SERPINE2: variants seen among roughly 807,000 people sequenced by gnomAD.
SERPINE2 encodes the protein glia-derived nexin.
SERPINE2 carries 14 observed loss-of-function variants against 36.3 expected under a neutral mutation model. The ratio of observed to expected loss-of-function variants is 0.39; its 90% confidence interval spans 0.25 to 0.60. The LOEUF is 0.60. SERPINE2 is among the 20% of genes least tolerant of loss of function. The pLI, the probability that SERPINE2 is intolerant of heterozygous loss-of-function variation, is 0.57. For synonymous variants in SERPINE2, 192 were observed against 191.8 expected, an observed-to-expected ratio of 1.00 and a Z score of -0.01; for missense variants, 418 against 499.6, an observed-to-expected ratio of 0.84 and a Z score of 1.56.
chr2:223,977,823 T>C (rs1249648176), intron 7 of SERPINE2, 196 bp from the exon 8 acceptor site: 1 of 536,384 alleles, frequency 1.9e-6, no homozygotes, highest in African/African-American at 1.9e-5. Context: ...CCAGGCCCTT[T>C]ACATTACTCT....
At chr2:224,030,755 G>A (rs1367811464) in intron 1 of SERPINE2, 1 of 156,782 alleles carries the variant, frequency 6.4e-6, no homozygotes, top group Non-Finnish European at 1.4e-5. Context: ...CGCAAACAGA[G>A]TTCAATTAGG....
intron 1 of SERPINE2, chr2:224,031,427 G>T: frequency 2.0e-6 from 2 of 985,598 alleles, no homozygotes; most frequent in Non-Finnish European, 2.4e-6. Flanking sequence ...GGCAGCTGGG[G>T]AACGCCAGGC....
chr2:224,005,450 C>T (rs1269836937), intron 1 of SERPINE2, among the ~76,000 whole-genome samples: 1 of 152,084 alleles, frequency 6.6e-6, no homozygotes, highest in Non-Finnish European at 1.5e-5. Flanking sequence ...AGGCCAAATG[C>T]TCACTCGTCT....
chr2:223,995,387 G>A (rs1393050648), intron 3 of SERPINE2, among the ~76,000 whole-genome samples: 2 of 152,222 alleles, frequency 1.3e-5, no homozygotes, highest in Admixed American at 6.5e-5. Context: ...GGTAAAGGCA[G>A]TTTGGAATTT....
intron 5 of SERPINE2, 93 bp downstream of exon 5, chr2:223,984,659 G>T: frequency 1.7e-6 from 2 of 1,148,322 alleles, no homozygotes; most frequent in Non-Finnish European, 2.5e-6. Flanking sequence ...TTCATGATGT[G>T]CCATATTTTC....
chr2:224,014,616 AC>A (rs1450981603), intron 1 of SERPINE2, among the ~76,000 whole-genome samples: 1 of 151,928 alleles, frequency 6.6e-6, no homozygotes, highest in Non-Finnish European at 1.5e-5. Flanking sequence ...TACTGACATA[AC>A]TCTTCAGTGT....
chr2:224,016,111 A>G (rs1171327712), intron 1 of SERPINE2, among the ~76,000 whole-genome samples: 1 of 152,260 alleles, frequency 6.6e-6, no homozygotes, highest in Non-Finnish European at 1.5e-5. Flanking sequence ...AATGGCTAAT[A>G]CTAGTGACAA....
Position 224,005,053 on chromosome 2 carries a change from ATTTTATAT to A in SERPINE2, c.-22-3139_-22-3132del, listed in dbSNP as rs1691344914. ...TATAATATATAAATATATTTTATATATTTTATATATATTATATATATATATATATATAT... is the reference window on the plus strand; with the variant it reads ...TATAATATATAAATATATTTTATATAATATTATATATATATATATATATAT... On this transcript the variant is annotated intron_variant, in intron 1 of 8. Transcript: ENST00000409304. Among the ~76,000 whole-genome samples the A allele has an allele frequency of 3.1e-4, 7 of 22,618 alleles. 1 individual carries two copies. The highest frequency in any genetic ancestry group is 2.4e-3 in the Admixed American group (4 of 1,634). 14.8% of individuals were successfully genotyped at this position (22,618 alleles called of 152,430 possible).
chr2:224,023,713 T>C (rs1241140688), intron 1 of SERPINE2, among the ~76,000 whole-genome samples: 1 of 152,254 alleles, frequency 6.6e-6, no homozygotes, highest in Admixed American at 6.5e-5. Context: ...GTAGTACACA[T>C]GGACTAAACA....
rs1174366797 is a variant in SERPINE2, at chr2:224,003,190, C to T, written c.-22-1268G>A. Among the ~76,000 whole-genome samples, 3 of 151,966 alleles carry T rather than the reference C, an allele frequency of 2.0e-5. No homozygotes were observed. The East Asian group carries it at 5.8e-4, about 30-fold the overall frequency. On this transcript the variant is annotated intron_variant, in intron 1 of 8. Transcript: ENST00000409304. Reference sequence around the variant, plus strand: ...GGCAGAGGGAGAGCAGGGCCGAGGCCCTGACGTGGGAATAAACTTGGTGTA... The same window carrying T: ...GGCAGAGGGAGAGCAGGGCCGAGGCTCTGACGTGGGAATAAACTTGGTGTA...
chr2:224,013,299 C>CT (rs1382253734), intron 1 of SERPINE2, among the ~76,000 whole-genome samples: 4 of 152,300 alleles, frequency 2.6e-5, no homozygotes, highest in East Asian at 1.9e-4. Context: ...AAAGGCATCT[C>CT]TGTTTATCCA....
At chr2:224,020,411 G>A (rs978186288) in intron 1 of SERPINE2, among the ~76,000 whole-genome samples, 3 of 152,172 alleles carry the variant, frequency 2.0e-5, no homozygotes, top group African/African-American at 7.2e-5. Context: ...ACACCTTAGC[G>A]TTTCAGGTCC....
At chr2:224,006,653 C>A (rs1530020) in intron 1 of SERPINE2, among the ~76,000 whole-genome samples, 103,537 of 152,040 alleles carry the variant, frequency 0.68, 35,756 homozygotes, top group Non-Finnish European at 0.75. Flanking sequence ...TAGGGCCTTA[C>A]CATTCATTGG....
At chr2:224,030,584 C>T (rs13027940) in intron 1 of SERPINE2, 15,375 of 152,310 alleles carry the variant, frequency 0.1, 926 homozygotes, top group Non-Finnish European at 0.14. Flanking sequence ...TGGCTCATAC[C>T]CTCCAATATG....
intron 1 of SERPINE2, among the ~76,000 whole-genome samples, chr2:224,028,165 T>C (rs1574850482): frequency 6.6e-6 from 1 of 152,042 alleles, no homozygotes; most frequent in African/African-American, 2.4e-5. Context: ...TCTGGAGAGG[T>C]AACAGGTGAC....
chr2:224,007,989 T>C (rs997239492), intron 1 of SERPINE2, among the ~76,000 whole-genome samples: 8 of 152,206 alleles, frequency 5.3e-5, no homozygotes, highest in African/African-American at 7.2e-5. Context: ...TGTGCTATGA[T>C]AGGGAGCTGA....
At chr2:224,020,529 C>T (rs566190049) in intron 1 of SERPINE2, among the ~76,000 whole-genome samples, 1 of 152,298 alleles carries the variant, frequency 6.6e-6, no homozygotes, top group Admixed American at 6.5e-5. Context: ...CCCTCTTCAA[C>T]TAATATAATA....
At chr2:224,008,572 G>C (rs142578613) in intron 1 of SERPINE2, among the ~76,000 whole-genome samples, 1 of 152,074 alleles carries the variant, frequency 6.6e-6, no homozygotes, top group Non-Finnish European at 1.5e-5. Flanking sequence ...CTTCACACTC[G>C]TTCTTAAACC....
At chr2:223,988,478 G>A (rs757026770) in intron 4 of SERPINE2, among the ~76,000 whole-genome samples, 9 of 152,148 alleles carry the variant, frequency 5.9e-5, no homozygotes, top group Non-Finnish European at 1.3e-4. Context: ...TGGCATAAAT[G>A]AGTTTCATCT....
Sources: gnomAD v4.1 joint callset for allele counts (sites outside exome capture counted in the v4.1 genomes callset) on GRCh38, gnomAD v4.1.1 for gene constraint, MANE v1.5 for transcripts, NCBI Gene and HGNC (gene_info 2026-07-23, HGNC 2026-07-21) for gene names.